Variants in UVRAG observed in about 807,000 individuals in gnomAD.
UVRAG encodes UV radiation resistance associated, also known as UV radiation resistance-associated gene protein.
In UVRAG, 19 loss-of-function variants were observed where a neutral mutation model predicts 78.0. The ratio of observed to expected loss-of-function variants is 0.24; its 90% CI spans 0.17 to 0.36. The LOEUF (loss-of-function observed/expected upper bound fraction) is 0.36. UVRAG is among the 10% of genes least tolerant of loss of function. The pLI, the probability that UVRAG is intolerant of heterozygous loss-of-function variation, is 1.00. For missense variants in UVRAG, 740 were observed against 853.8 expected (o/e 0.87, Z 1.66); for synonymous variants, 323 against 324.6 (o/e 1.00, Z 0.05).
chr11:75,896,518 G>A (rs758994709), intron 5 of UVRAG, among the ~76,000 whole-genome samples: 3 of 152,144 alleles, frequency 2.0e-5, no homozygotes, highest in Non-Finnish European at 4.4e-5. Context: ...TTAATTATAG[G>A]CACTCCTGAC....
chr11:75,895,466 G>A (rs1947321288), intron 5 of UVRAG, among the ~76,000 whole-genome samples: 1 of 152,084 alleles, frequency 6.6e-6, no homozygotes, highest in Non-Finnish European at 1.5e-5. Context: ...ACTTCCAGGA[G>A]TGTGTTGGAC....
At chr11:75,969,110 T>G (rs1455320024) in intron 7 of UVRAG, among the ~76,000 whole-genome samples, 1 of 152,186 alleles carries the variant, frequency 6.6e-6, no homozygotes, top group Non-Finnish European at 1.5e-5. Flanking sequence ...TCTTTTAAAC[T>G]GAAACTGTAC....
intron 8 of UVRAG, among the ~76,000 whole-genome samples, chr11:76,002,043 G>A (rs567221143): frequency 6.6e-6 from 1 of 152,296 alleles, no homozygotes; most frequent in South Asian, 2.1e-4. Flanking sequence ...GCTTCCAGAT[G>A]TGATACCCTT....
chr11:75,955,527 C>T (rs1011211254), intron 6 of UVRAG, among the ~76,000 whole-genome samples: 1 of 151,930 alleles, frequency 6.6e-6, no homozygotes, highest in African/African-American at 2.4e-5. Context: ...TTTTAAAAAC[C>T]GAGGTAAAAT....
At chr11:75,999,865 C>A (rs1247317937) in intron 8 of UVRAG, among the ~76,000 whole-genome samples, 1 of 151,904 alleles carries the variant, frequency 6.6e-6, no homozygotes, top group Non-Finnish European at 1.5e-5. Context: ...GTTGTTGAAC[C>A]AGTATGTATA....
intron 2 of UVRAG, among the ~76,000 whole-genome samples, chr11:75,861,502 T>G (rs1166534603): frequency 6.6e-6 from 1 of 152,194 alleles, no homozygotes; most frequent in Non-Finnish European, 1.5e-5. Flanking sequence ...GTCAGTAAGG[T>G]AATAATCACT....
chr11:76,045,349 TTC>T (rs746836674), intron 12 of UVRAG, among the ~76,000 whole-genome samples: 1 of 152,240 alleles, frequency 6.6e-6, no homozygotes, highest in African/African-American at 2.4e-5. Flanking sequence ...TTTTGGCCAG[TTC>T]TGTCAATGCA....
chr11:75,828,748 CACACACATATATATATAT>C (rs1565333857), intron 1 of UVRAG, among the ~76,000 whole-genome samples: 1 of 76,548 alleles, frequency 1.3e-5, no homozygotes, highest in Admixed American at 1.2e-4. Flanking sequence ...TATATATATA[CACACACATATATATATAT>C]ATATATATAC....
chr11:76,123,997 C>A (rs910006601), intron 14 of UVRAG, among the ~76,000 whole-genome samples: 2 of 152,136 alleles, frequency 1.3e-5, no homozygotes, highest in African/African-American at 4.8e-5. Context: ...AACTCCTGAC[C>A]TCGTGATCCA....
chr11:76,130,646 G>GT (rs1333529328), intron 14 of UVRAG, among the ~76,000 whole-genome samples: 2 of 152,184 alleles, frequency 1.3e-5, no homozygotes, highest in Non-Finnish European at 2.9e-5. Flanking sequence ...TTCTTTTAAA[G>GT]TAACAAACAA....
chr11:75,945,764 C>T (rs1172254972), intron 6 of UVRAG, among the ~76,000 whole-genome samples: 1 of 152,110 alleles, frequency 6.6e-6, no homozygotes, highest in East Asian at 1.9e-4. Flanking sequence ...AAGCTGCTTA[C>T]AGTTCCTGAA....
At chr11:76,059,388 G>C (rs764980038) in intron 12 of UVRAG, among the ~76,000 whole-genome samples, 1 of 152,336 alleles carries the variant, frequency 6.6e-6, no homozygotes, top group Middle Eastern at 3.4e-3. Context: ...CAATCTGACA[G>C]TGATATGGAG....
At chr11:75,830,690 T>C (rs1945636306) in intron 1 of UVRAG, among the ~76,000 whole-genome samples, 1 of 152,232 alleles carries the variant, frequency 6.6e-6, no homozygotes, top group Non-Finnish European at 1.5e-5. Context: ...AGCTTTACAG[T>C]GAGAAGACTA....
At chr11:75,890,090 GA>G (rs1404054983) in intron 5 of UVRAG, among the ~76,000 whole-genome samples, 2 of 152,222 alleles carry the variant, frequency 1.3e-5, no homozygotes, top group Admixed American at 6.5e-5. Context: ...AGGTCAGAGT[GA>G]TGAGGGGGGA....
At chr11:75,988,775 G>C (rs1425747543) in intron 8 of UVRAG, among the ~76,000 whole-genome samples, 2 of 151,934 alleles carry the variant, frequency 1.3e-5, no homozygotes, top group African/African-American at 2.4e-5. Flanking sequence ...GTATGTAGTG[G>C]TTTCTCATTG....
intron 13 of UVRAG, among the ~76,000 whole-genome samples, chr11:76,088,547 GATCT>G (rs1951635939): frequency 7.5e-6 from 1 of 133,710 alleles, no homozygotes; most frequent in Non-Finnish European, 1.5e-5. Flanking sequence ...GTCTTCACAT[GATCT>G]ATCTGTCTTC....
At chr11:75,972,543 C>T (rs1054051698) in intron 7 of UVRAG, among the ~76,000 whole-genome samples, 17 of 152,022 alleles carry the variant, frequency 1.1e-4, no homozygotes, top group Non-Finnish European at 1.8e-4. Context: ...GCTTTTGTTT[C>T]TTTGTCAAAT....
At chr11:75,823,488 C>G (rs1945444588) in intron 1 of UVRAG, among the ~76,000 whole-genome samples, 1 of 152,214 alleles carries the variant, frequency 6.6e-6, no homozygotes. Context: ...CACCACCATG[C>G]CTGGTTCATT....
intron 1 of UVRAG, among the ~76,000 whole-genome samples, chr11:75,835,649 G>A (rs1945759803): frequency 1.3e-5 from 2 of 152,172 alleles, no homozygotes; most frequent in Admixed American, 1.3e-4. Context: ...TACAAAAATA[G>A]AGATGTCAAG....
Sources: gnomAD v4.1 joint callset for allele counts (sites outside exome capture counted in the v4.1 genomes callset) on GRCh38, gnomAD v4.1.1 for gene constraint, MANE v1.5 for transcripts, NCBI Gene and HGNC (gene_info 2026-07-23, HGNC 2026-07-21) for gene names.